SLC24A3: variants seen among roughly 807,000 people sequenced by gnomAD.
SLC24A3 encodes solute carrier family 24 member 3, also known as sodium/potassium/calcium exchanger 3.
SLC24A3 carries 28 observed loss-of-function variants against 75.8 expected under a neutral mutation model. The ratio of observed to expected loss-of-function variants is 0.37; its 90% CI spans 0.27 to 0.51. SLC24A3 has a LOEUF of 0.51. SLC24A3 is among the 20% of genes least tolerant of loss of function. SLC24A3 has a pLI of 0.94. For missense variants in SLC24A3, 663 were observed against 847.8 expected, an observed-to-expected ratio of 0.78 and a Z score of 2.71; for synonymous variants, 372 against 334.1, an observed-to-expected ratio of 1.11 and a Z score of -1.24.
At chr20:19,226,725 A>G (rs544106705) in intron 1 of SLC24A3, among the ~76,000 whole-genome samples, 4 of 152,336 alleles carry the variant, frequency 2.6e-5, no homozygotes, top group East Asian at 1.9e-4. Context: ...TCCAATTTAC[A>G]TGCGAAGAAA....
At chr20:19,331,058 G>C (rs766323363) in intron 2 of SLC24A3, among the ~76,000 whole-genome samples, 3 of 152,222 alleles carry the variant, frequency 2.0e-5, no homozygotes, top group Non-Finnish European at 4.4e-5. Flanking sequence ...CTCCACATTA[G>C]AGGAGACCAG....
chr20:19,274,093 C>T (rs567951405), intron 1 of SLC24A3, among the ~76,000 whole-genome samples: 7 of 151,464 alleles, frequency 4.6e-5, no homozygotes, highest in East Asian at 2.0e-4. Context: ...GGACTGAAAA[C>T]GCTCAACTTT....
intron 6 of SLC24A3, among the ~76,000 whole-genome samples, chr20:19,618,477 G>A (rs1410724038): frequency 6.6e-6 from 1 of 152,070 alleles, no homozygotes; most frequent in Non-Finnish European, 1.5e-5. Context: ...ATGGGATTAG[G>A]ACCCACCCCT....
chr20:19,216,875 C>T (rs547655132), intron 1 of SLC24A3, among the ~76,000 whole-genome samples: 2 of 152,264 alleles, frequency 1.3e-5, no homozygotes, highest in East Asian at 1.9e-4. Context: ...GTCTCTGCTC[C>T]ACTACATCTG....
At chr20:19,227,214 G>A (rs1032830741) in intron 1 of SLC24A3, among the ~76,000 whole-genome samples, 2 of 152,146 alleles carry the variant, frequency 1.3e-5, no homozygotes, top group African/African-American at 4.8e-5. Context: ...CTTCTTTACC[G>A]AGCAGGTTCA....
intron 6 of SLC24A3, among the ~76,000 whole-genome samples, chr20:19,589,941 G>T (rs1032707387): frequency 9.2e-5 from 14 of 151,996 alleles, no homozygotes. Context: ...CCTTCCAAAA[G>T]GGGGAATCTA....
chr20:19,484,921 A>T (rs915166226), intron 2 of SLC24A3, among the ~76,000 whole-genome samples: 6 of 152,140 alleles, frequency 3.9e-5, no homozygotes, highest in Non-Finnish European at 8.8e-5. Flanking sequence ...ACTGAAAGAT[A>T]CTCAGTCTCC....
intron 6 of SLC24A3, among the ~76,000 whole-genome samples, chr20:19,635,984 CAAA>C (rs1418444800): frequency 6.6e-6 from 1 of 151,996 alleles, no homozygotes; most frequent in Non-Finnish European, 1.5e-5. Flanking sequence ...GCTAAAAATA[CAAA>C]AAATTAGCCA....
At chr20:19,469,390 A>G (rs112920080) in intron 2 of SLC24A3, among the ~76,000 whole-genome samples, 16 of 152,174 alleles carry the variant, frequency 1.1e-4, no homozygotes, top group African/African-American at 3.6e-4. Flanking sequence ...GCTTGGAGAC[A>G]CTGTTTTAGT....
At chr20:19,247,249 G>A (rs1982520837) in intron 1 of SLC24A3, among the ~76,000 whole-genome samples, 1 of 152,134 alleles carries the variant, frequency 6.6e-6, no homozygotes, top group Non-Finnish European at 1.5e-5. Flanking sequence ...CCTGGTGAGT[G>A]AGCCTTCCAT....
At chr20:19,446,004 T>C (rs983141253) in intron 2 of SLC24A3, among the ~76,000 whole-genome samples, 1 of 152,218 alleles carries the variant, frequency 6.6e-6, no homozygotes, top group African/African-American at 2.4e-5. Context: ...TAGGAAACTG[T>C]TGTTACCTTT....
At chr20:19,596,766 A>G (rs2031457881) in intron 6 of SLC24A3, among the ~76,000 whole-genome samples, 2 of 152,262 alleles carry the variant, frequency 1.3e-5, no homozygotes, top group South Asian at 4.2e-4. Context: ...TGAATTTGAA[A>G]TTGGCACCTA....
intron 1 of SLC24A3, among the ~76,000 whole-genome samples, chr20:19,236,528 G>A (rs779881629): frequency 1.3e-5 from 2 of 151,968 alleles, no homozygotes; most frequent in South Asian, 4.2e-4. Flanking sequence ...GGGGTGGGAG[G>A]ATTGCTTGAG....
chr20:19,459,772 G>C (rs1262727668), intron 2 of SLC24A3, among the ~76,000 whole-genome samples: 1 of 152,140 alleles, frequency 6.6e-6, no homozygotes, highest in Non-Finnish European at 1.5e-5. Context: ...GGAAACCCTT[G>C]GGGAATCTTC....
chr20:19,361,410 C>T (rs938543191), intron 2 of SLC24A3, among the ~76,000 whole-genome samples: 9 of 152,106 alleles, frequency 5.9e-5, no homozygotes, highest in Admixed American at 6.5e-5. Context: ...GAACCTCTGA[C>T]ACTTGTAAAG....
At position 19,591,552 on chromosome 20, in the gene SLC24A3, C is replaced by T. The variant is rs548733865; in HGVS notation, c.612+6008C>T. On this transcript the variant is annotated intron_variant, in intron 6 of 16. Transcript: ENST00000328041. ...CATTTTCAGGCCTCAGGTACACATA[C>T]CACTTTGGCCAGGAAAGAGAAAGAG... Among the ~76,000 whole-genome samples, 6 of 151,942 alleles carry T rather than the reference C, an allele frequency of 3.9e-5. No individual in the cohort carries two copies. In the South Asian group the frequency reaches 1.3e-3, roughly 32 times the overall value.
chr20:19,358,229 T>C (rs1186638296), intron 2 of SLC24A3, among the ~76,000 whole-genome samples: 1 of 152,204 alleles, frequency 6.6e-6, no homozygotes, highest in Non-Finnish European at 1.5e-5. Context: ...AGGCAGGTGA[T>C]ACATGAGCAA....
chr20:19,355,664 G>A (rs1037408456), intron 2 of SLC24A3, among the ~76,000 whole-genome samples: 1 of 152,150 alleles, frequency 6.6e-6, no homozygotes, highest in African/African-American at 2.4e-5. Context: ...ACAACAGCAG[G>A]TATTTCCAAC....
At chr20:19,548,679 G>C (rs1205735538) in intron 3 of SLC24A3, among the ~76,000 whole-genome samples, 1 of 152,168 alleles carries the variant, frequency 6.6e-6, no homozygotes, top group African/African-American at 2.4e-5. Flanking sequence ...AAAGAGTCCA[G>C]CCTCTTTTGA....
Sources: allele counts gnomAD v4.1 joint callset (sites outside exome capture counted in the v4.1 genomes callset), GRCh38; gene constraint gnomAD v4.1.1; transcripts MANE v1.5; gene names NCBI Gene and HGNC (gene_info 2026-07-23, HGNC 2026-07-21).